TAMM41: variants seen among roughly 807,000 people sequenced by gnomAD.
TAMM41 encodes the protein phosphatidate cytidylyltransferase, mitochondrial.
TAMM41 carries 36 observed loss-of-function variants against 44.1 expected under a neutral mutation model. That is an observed-to-expected ratio of 0.82 (90% CI 0.63 to 1.08). The LOEUF (loss-of-function observed/expected upper bound fraction) is 1.08, where lower values mean the gene tolerates loss of function less well. Ranked by LOEUF, TAMM41 falls within the 50% of genes least tolerant of loss-of-function variation. TAMM41 has a pLI of 0.00. For synonymous variants in TAMM41, 164 were observed against 153.1 expected, an observed-to-expected ratio of 1.07 and a Z score of -0.53; for missense variants, 417 against 404.3, an observed-to-expected ratio of 1.03 and a Z score of -0.27.
chr3:11,757,207 C>T, the TAMM41 span, among the ~76,000 whole-genome samples: 33,157 of 152,054 alleles, frequency 0.22, 3,628 homozygotes, highest in East Asian at 0.26. Context: ...TCAAGGAGCA[C>T]GGTAAGATCC....
the TAMM41 span, among the ~76,000 whole-genome samples, chr3:11,740,710 C>T: frequency 1.3e-4 from 20 of 151,880 alleles, no homozygotes; most frequent in Non-Finnish European, 8.8e-5. Context: ...GGATTAGGGG[C>T]GCCCGCCACC....
intron 7 of TAMM41, among the ~76,000 whole-genome samples, chr3:11,804,981 C>A (rs1269542878): frequency 6.7e-6 from 1 of 149,826 alleles, no homozygotes; most frequent in Non-Finnish European, 1.5e-5. Flanking sequence ...CGGGCGCGCA[C>A]CACCACGCCC....
chr3:11,757,815 A>T, the TAMM41 span, among the ~76,000 whole-genome samples: 4 of 152,164 alleles, frequency 2.6e-5, no homozygotes, highest in African/African-American at 9.6e-5. Context: ...TACAGAAAAC[A>T]TGTAGGCGCT....
intron 3 of TAMM41, among the ~76,000 whole-genome samples, chr3:11,835,696 T>C (rs1316463142): frequency 6.6e-6 from 1 of 152,212 alleles, no homozygotes; most frequent in Non-Finnish European, 1.5e-5. Context: ...TACAACATTT[T>C]AACATTCAAT....
At chr3:11,757,165 A>G in the TAMM41 span, among the ~76,000 whole-genome samples, 1 of 152,234 alleles carries the variant, frequency 6.6e-6, no homozygotes, top group Non-Finnish European at 1.5e-5. Context: ...CTGTGTGCAT[A>G]GAAATTACAG....
chr3:11,796,556 T>C (rs1258172922), intron 7 of TAMM41, among the ~76,000 whole-genome samples: 1 of 151,834 alleles, frequency 6.6e-6, no homozygotes, highest in Non-Finnish European at 1.5e-5. Context: ...GAGTAGGAGG[T>C]TGCACAGGGG....
intron 4 of TAMM41, among the ~76,000 whole-genome samples, chr3:11,822,903 G>C (rs920940093): frequency 6.6e-6 from 1 of 152,184 alleles, no homozygotes; most frequent in African/African-American, 2.4e-5. Flanking sequence ...TATAGGAGTA[G>C]AACTGCTGGG....
At chr3:11,731,234 G>C in the TAMM41 span, among the ~76,000 whole-genome samples, 1 of 152,168 alleles carries the variant, frequency 6.6e-6, no homozygotes, top group Non-Finnish European at 1.5e-5. Context: ...TAGTCATCTT[G>C]GGTAAAATCA....
the TAMM41 span, among the ~76,000 whole-genome samples, chr3:11,733,764 G>A: frequency 1.3e-5 from 2 of 151,924 alleles, no homozygotes; most frequent in Non-Finnish European, 2.9e-5. Context: ...TAAAGTGCTA[G>A]GATTACAGGC....
the TAMM41 span, among the ~76,000 whole-genome samples, chr3:11,779,658 T>C: frequency 1.3e-5 from 2 of 151,426 alleles, no homozygotes; most frequent in African/African-American, 4.9e-5. Flanking sequence ...TTCTCTGTGC[T>C]CCACAGACTT....
chr3:11,822,047 C>T (rs757850210), intron 4 of TAMM41, among the ~76,000 whole-genome samples: 4 of 152,010 alleles, frequency 2.6e-5, no homozygotes, highest in African/African-American at 4.8e-5. Flanking sequence ...AGACCTGGGC[C>T]GTCCCCAGGA....
chr3:11,725,584 A>G, the TAMM41 span, among the ~76,000 whole-genome samples: 1 of 151,972 alleles, frequency 6.6e-6, no homozygotes, highest in African/African-American at 2.4e-5. Context: ...GACTACAGGC[A>G]TATACCACCA....
chr3:11,793,822 C>T lies in TAMM41; in HGVS notation c.938-3241G>A, dbSNP rs73813052. Among the ~76,000 whole-genome samples the T allele has an allele frequency of 3.6e-3, 547 of 152,204 alleles. 1 individual carries two copies. The highest frequency in any genetic ancestry group is 0.024 in the Middle Eastern group (7 of 294). ...ACTCTCGGAGAAGCAATGCCTGTGA[C>T]GGGCATGAGGGGTACTGGGGACTGG... On this transcript the variant is annotated intron_variant, in intron 7 of 7. Transcript: ENST00000455809.
chr3:11,761,778 C>T, the TAMM41 span, among the ~76,000 whole-genome samples: 1 of 151,824 alleles, frequency 6.6e-6, no homozygotes, highest in South Asian at 2.1e-4. Context: ...GAAATCCTGT[C>T]TCTACTAAAA....
At chr3:11,786,932 T>C (rs1482850456), downstream of TAMM41, among the ~76,000 whole-genome samples, 2 of 152,166 alleles carry the variant, frequency 1.3e-5, no homozygotes, top group African/African-American at 2.4e-5. Flanking sequence ...ATTTTCTTAT[T>C]CTCCCTCACA....
chr3:11,753,885 C>A, the TAMM41 span, among the ~76,000 whole-genome samples: 1 of 152,076 alleles, frequency 6.6e-6, no homozygotes, highest in Middle Eastern at 3.4e-3. Context: ...GCGAGGAGGC[C>A]GATGACAAGA....
At chr3:11,762,541 G>A in the TAMM41 span, among the ~76,000 whole-genome samples, 1 of 152,158 alleles carries the variant, frequency 6.6e-6, no homozygotes, top group Admixed American at 6.5e-5. Context: ...ATTATTTGTT[G>A]AGTAACTTAA....
At chr3:11,839,155 T>C (rs988112665) in intron 3 of TAMM41, 67 bp downstream of exon 3, 9 of 966,392 alleles carry the variant, frequency 9.3e-6, no homozygotes, top group Middle Eastern at 2.1e-4. Flanking sequence ...GCAATCACAA[T>C]GATCAAAGTA....
intron 4 of TAMM41, among the ~76,000 whole-genome samples, chr3:11,819,908 A>G (rs188988045): frequency 4.6e-5 from 7 of 152,272 alleles, no homozygotes; most frequent in African/African-American, 1.4e-4. Context: ...GCTCCATAAA[A>G]TAAGTACTAT....
Sources: gnomAD v4.1 joint callset for allele counts (sites outside exome capture counted in the v4.1 genomes callset) on GRCh38, gnomAD v4.1.1 for gene constraint, MANE v1.5 for transcripts, NCBI Gene and HGNC (gene_info 2026-07-23, HGNC 2026-07-21) for gene names.